ATP1A2: variants seen among roughly 807,000 people sequenced by gnomAD.
The protein encoded by ATP1A2 is ATPase Na+/K+ transporting subunit alpha 2.
A neutral mutation model predicts 113.1 loss-of-function variants in ATP1A2; 56 were observed. That is an observed-to-expected ratio of 0.49 (90% CI 0.40 to 0.62). ATP1A2 has a LOEUF of 0.62. Among genes scored for constraint, ATP1A2 ranks in the 20% least tolerant of loss-of-function variants. The pLI is 0.00. For missense variants in ATP1A2, 712 were observed against 1,357.8 expected (o/e 0.52, Z 7.47); for synonymous variants, 490 against 526.8 (o/e 0.93, Z 0.96).
intron 20 of ATP1A2, among the ~76,000 whole-genome samples, chr1:160,137,552 T>G (rs1187693684): frequency 6.6e-6 from 1 of 152,132 alleles, no homozygotes; most frequent in African/African-American, 2.4e-5. Flanking sequence ...ATTTCATGGA[T>G]AAGAGGCCCC....
Position 160,122,012 on chromosome 1 carries a change from AT to A in ATP1A2, c.177+762del, listed in dbSNP as rs372934661. On this transcript the variant is annotated intron_variant, in intron 3 of 22. Transcript: ENST00000361216. ...CTTGGCACAGTGATGGGCACCTGTA[AT>A]CCCACCTACTCGAGAGGCTGAAGCA... Among the ~76,000 whole-genome samples, 439 of 152,234 alleles carry A rather than the reference AT, an allele frequency of 2.9e-3. 2 individuals are homozygous for A. The highest frequency in any genetic ancestry group is 1.0e-2 in the African/African-American group (415 of 41,544).
intron 11 of ATP1A2, among the ~76,000 whole-genome samples, 157 bp from the exon 12 acceptor site, chr1:160,129,945 G>A (rs913637940): frequency 5.9e-5 from 9 of 152,138 alleles, no homozygotes. Context: ...GGAACTGTGA[G>A]GTCTAAACAC....
chr1:160,116,244 T>A (rs1651176337), intron 1 of ATP1A2, among the ~76,000 whole-genome samples: 2 of 152,246 alleles, frequency 1.3e-5, no homozygotes, highest in South Asian at 4.2e-4. Context: ...CTGTGAGTCC[T>A]CCTGTCTTTG....
Position 160,123,468 on chromosome 1 carries a change from G to A in ATP1A2, c.381+52G>A, listed in dbSNP as rs757579569. On this transcript the variant is annotated intron_variant, in intron 4 of 22. Coordinates refer to ENST00000361216, the MANE Select transcript of ATP1A2 (RefSeq NM_000702.4). The stretch of plus-strand genomic sequence containing the variant: ...CAGCCCGTGACTGTCCTCCAACCCT[G>A]AACCCCCAACACAGTGGGGGGTGGG... The A allele has an allele frequency of 2.5e-6, 4 of 1,610,984 alleles. 1 individual carries two copies. In the South Asian group the frequency reaches 3.3e-5, roughly 13 times the overall value.
chr1:160,132,273 G>A (rs1279730552), intron 13 of ATP1A2, among the ~76,000 whole-genome samples: 1 of 152,112 alleles, frequency 6.6e-6, no homozygotes, highest in Admixed American at 6.6e-5. Flanking sequence ...TGGAACACTG[G>A]GTCAGAGCCA....
intron 12 of ATP1A2, 54 bp downstream of exon 12, chr1:160,130,345 T>C: frequency 6.2e-7 from 1 of 1,614,048 alleles, no homozygotes; most frequent in Non-Finnish European, 8.5e-7. Flanking sequence ...CTCTGCGGCA[T>C]CCCTGGGGTG....
intron 2 of ATP1A2, 30 bp from the exon 3 acceptor site, chr1:160,121,162 C>A: frequency 3.1e-6 from 5 of 1,613,762 alleles, no homozygotes; most frequent in South Asian, 1.1e-5. Flanking sequence ...GATACCTCCT[C>A]CCCAAAGTAA....
chr1:160,134,235 CCACACA>C (rs146388527), intron 13 of ATP1A2, among the ~76,000 whole-genome samples: 1 of 122,886 alleles, frequency 8.1e-6, no homozygotes, highest in Non-Finnish European at 1.6e-5. Flanking sequence ...CAATCCCCAC[CCACACA>C]CACACACACA....
chr1:160,117,342 G>T (rs1651219593), intron 1 of ATP1A2, among the ~76,000 whole-genome samples: 1 of 152,174 alleles, frequency 6.6e-6, no homozygotes, highest in Non-Finnish European at 1.5e-5. Flanking sequence ...CAAGTGAAGA[G>T]AGAAGGAGGG....
intron 1 of ATP1A2, among the ~76,000 whole-genome samples, chr1:160,119,541 C>A (rs1651307024): frequency 6.6e-6 from 1 of 151,902 alleles, no homozygotes; most frequent in African/African-American, 2.4e-5. Context: ...TCATGGCTAC[C>A]CAGGCCTTCC....
chr1:160,121,386 C>A, intron 3 of ATP1A2, 135 bp downstream of exon 3: 1 of 1,053,418 alleles, frequency 9.5e-7, no homozygotes, highest in Non-Finnish European at 1.5e-6. Flanking sequence ...CAAGGACTGG[C>A]CCAAGGACAT....
At chr1:160,119,524 G>T (rs1172569894) in intron 1 of ATP1A2, among the ~76,000 whole-genome samples, 1 of 151,960 alleles carries the variant, frequency 6.6e-6, no homozygotes, top group Non-Finnish European at 1.5e-5. Context: ...ACCTTTTTGG[G>T]AACTTTTCAT....
At chr1:160,136,107 C>A (rs889265937) in intron 17 of ATP1A2, 114 bp downstream of exon 17, 1 of 1,600,490 alleles carries the variant, frequency 6.2e-7, no homozygotes, top group Non-Finnish European at 8.6e-7. Flanking sequence ...AGGAGACAGG[C>A]ACAGGCCTGG....
intron 11 of ATP1A2, 106 bp from the exon 12 acceptor site, chr1:160,129,996 T>G: frequency 1.4e-6 from 2 of 1,385,732 alleles, no homozygotes; most frequent in Non-Finnish European, 2.0e-6. Flanking sequence ...CAATCTTTGA[T>G]GGGTTGGGGC....
intron 13 of ATP1A2, among the ~76,000 whole-genome samples, chr1:160,133,609 G>C (rs552483099): frequency 6.6e-6 from 1 of 152,100 alleles, no homozygotes; most frequent in East Asian, 1.9e-4. Flanking sequence ...TGGAGGCAGG[G>C]GTGTTGTCTC....
intron 20 of ATP1A2, 179 bp downstream of exon 20, chr1:160,137,210 G>A: frequency 9.5e-7 from 1 of 1,057,312 alleles, no homozygotes; most frequent in Non-Finnish European, 1.4e-6. Context: ...CATGCTTCAG[G>A]CTCCTAATTT....
intron 1 of ATP1A2, among the ~76,000 whole-genome samples, chr1:160,116,372 G>T (rs1481370606): frequency 3.3e-5 from 5 of 152,010 alleles, no homozygotes; most frequent in Non-Finnish European, 4.4e-5. Context: ...AGTAGTTCCG[G>T]ACACCAGCTC....
intron 19 of ATP1A2, 62 bp downstream of exon 19, chr1:160,136,777 C>G (rs927269898): frequency 6.2e-7 from 1 of 1,613,980 alleles, no homozygotes; most frequent in African/African-American, 1.3e-5. Flanking sequence ...GAATGCCTGG[C>G]AGGAGTGGCC....
intron 13 of ATP1A2, among the ~76,000 whole-genome samples, chr1:160,133,350 G>A (rs1271483177): frequency 1.3e-5 from 2 of 152,044 alleles, no homozygotes; most frequent in Non-Finnish European, 2.9e-5. Flanking sequence ...GGTGGGAGTG[G>A]AAGATAAGGC....
Sources: gnomAD v4.1 joint callset for allele counts (sites outside exome capture counted in the v4.1 genomes callset) on GRCh38, gnomAD v4.1.1 for gene constraint, MANE v1.5 for transcripts, NCBI Gene and HGNC (gene_info 2026-07-23, HGNC 2026-07-21) for gene names.